The following MPPED2 variants were observed in gnomAD, a reference collection of about 807,000 sequenced individuals.
MPPED2 encodes the protein metallophosphoesterase MPPED2.
Under a neutral mutation model 33.0 loss-of-function variants are expected in MPPED2, and 5 were observed. That is an observed-to-expected ratio of 0.15 (90% confidence interval 0.08 to 0.32). MPPED2 has a LOEUF of 0.32. Among genes scored for constraint, MPPED2 ranks in the 10% least tolerant of loss-of-function variants. The pLI is 1.00. For missense variants in MPPED2, 275 were observed against 372.1 expected, an observed-to-expected ratio of 0.74 and a Z score of 2.15; for synonymous variants, 136 against 141.9, an observed-to-expected ratio of 0.96 and a Z score of 0.29.
chr11:30,474,878 A>G (rs1255281861), intron 4 of MPPED2, among the ~76,000 whole-genome samples: 2 of 152,154 alleles, frequency 1.3e-5, no homozygotes, highest in Non-Finnish European at 2.9e-5. Flanking sequence ...GTTTTAACTA[A>G]TATGCCCCTC....
chr11:30,403,481 T>G (rs1177505815), intron 6 of MPPED2, among the ~76,000 whole-genome samples: 1 of 152,226 alleles, frequency 6.6e-6, no homozygotes, highest in Non-Finnish European at 1.5e-5. Flanking sequence ...TTCAACAAAT[T>G]TTCTTAGGTG....
At chr11:30,415,649 C>G (rs750167814) in intron 5 of MPPED2, among the ~76,000 whole-genome samples, 1 of 152,176 alleles carries the variant, frequency 6.6e-6, no homozygotes, top group Non-Finnish European at 1.5e-5. Context: ...CTTGATGTAG[C>G]TGTCACTCTG....
chr11:30,462,704 C>G (rs1189628067), intron 4 of MPPED2, among the ~76,000 whole-genome samples: 3 of 152,164 alleles, frequency 2.0e-5, no homozygotes, highest in Admixed American at 2.0e-4. Context: ...CCATTCCCAT[C>G]CCCTCTAACT....
chr11:30,577,188 A>T (rs991165794), intron 2 of MPPED2, among the ~76,000 whole-genome samples: 16 of 152,228 alleles, frequency 1.1e-4, no homozygotes, highest in African/African-American at 3.9e-4. Flanking sequence ...AGATGAGTAA[A>T]CTGAGACTTG....
chr11:30,505,375 C>T (rs1269828742), intron 3 of MPPED2, among the ~76,000 whole-genome samples: 1 of 152,186 alleles, frequency 6.6e-6, no homozygotes, highest in Middle Eastern at 3.2e-3. Context: ...ACACTATCCT[C>T]CTTGCTTCCC....
intron 6 of MPPED2, among the ~76,000 whole-genome samples, chr11:30,413,727 A>G (rs1204775067): frequency 6.6e-6 from 1 of 152,230 alleles, no homozygotes; most frequent in Non-Finnish European, 1.5e-5. Context: ...CTTCTGTTAC[A>G]TATCTTTCAT....
chr11:30,451,747 CATT>C (rs1950073781), intron 4 of MPPED2: 2 of 982,948 alleles, frequency 2.0e-6, no homozygotes, highest in African/African-American at 3.5e-5. Context: ...CTGTAGGACT[CATT>C]ATTATGCAAT....
intron 4 of MPPED2, among the ~76,000 whole-genome samples, chr11:30,461,730 G>T (rs1270875820): frequency 6.6e-6 from 1 of 152,148 alleles, no homozygotes; most frequent in Non-Finnish European, 1.5e-5. Flanking sequence ...GACTATGGGG[G>T]CTAAATCTTA....
intron 3 of MPPED2, among the ~76,000 whole-genome samples, chr11:30,518,266 A>G (rs542709): frequency 0.79 from 120,891 of 152,192 alleles, 48,729 homozygotes; most frequent in African/African-American, 0.94. Context: ...GCTGTCTCTA[A>G]TAGTCACCTG....
At chr11:30,492,702 G>C (rs1952036957) in intron 4 of MPPED2, among the ~76,000 whole-genome samples, 1 of 70,132 alleles carries the variant, frequency 1.4e-5, no homozygotes, top group Admixed American at 1.4e-4. Flanking sequence ...AAAATAAATT[G>C]ACGTACCTTA....
intron 2 of MPPED2, among the ~76,000 whole-genome samples, chr11:30,549,414 C>T (rs1243601072): frequency 6.6e-6 from 1 of 152,146 alleles, no homozygotes; most frequent in African/African-American, 2.4e-5. Context: ...ACTCTTAATG[C>T]ACCATGTTTG....
rs748698110 is a variant in MPPED2 at position 30,417,584 on chromosome 11, G to A, written c.586C>T (p.Leu196=). ...WGFNLPRGQS[L]LDKWNLIPEG... ...GGGATGAGGTTCCACTTGTCCAGCA[G>A]AGACTGACCTCTGGGTAGGTTAAAG... The change falls in exon 5 of 7, where the codon CTG becomes TTG. Residue 196 remains leucine (L), a synonymous_variant. Coordinates refer to ENST00000358117, the MANE Select transcript of MPPED2 (RefSeq NM_001584.3). 3 of 1,613,472 alleles carry A rather than the reference G, an allele frequency of 1.9e-6. No individual in the cohort carries two copies. In the South Asian group the frequency reaches 3.3e-5, roughly 18 times the overall value.
At chr11:30,417,470 G>GC (rs755671168) in intron 5 of MPPED2, 48 bp downstream of exon 5, 7 of 1,051,632 alleles carry the variant, frequency 6.7e-6, no homozygotes, top group Non-Finnish European at 1.0e-5. Context: ...CATTATGCCT[G>GC]GAAAAAAAGG....
downstream of MPPED2, among the ~76,000 whole-genome samples, chr11:30,405,521 G>T (rs1354169987): frequency 6.6e-6 from 1 of 152,138 alleles, no homozygotes; most frequent in East Asian, 1.9e-4. Context: ...ATATGAAAGA[G>T]CCTTTTCACC....
intron 2 of MPPED2, among the ~76,000 whole-genome samples, chr11:30,557,603 C>G (rs1318736173): frequency 6.6e-6 from 1 of 152,162 alleles, no homozygotes; most frequent in Non-Finnish European, 1.5e-5. Flanking sequence ...GGAAAGGCTA[C>G]TGGCTAAATA....
chr11:30,472,174 G>A (rs1368138495), intron 4 of MPPED2, among the ~76,000 whole-genome samples: 1 of 152,052 alleles, frequency 6.6e-6, no homozygotes, highest in Non-Finnish European at 1.5e-5. Context: ...GACCAGCCTG[G>A]GCAACATAAG....
intron 2 of MPPED2, among the ~76,000 whole-genome samples, chr11:30,575,981 A>G (rs900336196): frequency 1.3e-5 from 2 of 152,214 alleles, no homozygotes; most frequent in African/African-American, 2.4e-5. Context: ...ATTCATTTGT[A>G]TACACTCCAC....
intron 4 of MPPED2, among the ~76,000 whole-genome samples, chr11:30,451,368 C>G (rs1443951958): frequency 6.6e-6 from 1 of 152,196 alleles, no homozygotes; most frequent in Non-Finnish European, 1.5e-5. Context: ...CTTAGAAATG[C>G]AATTCCCACT....
At chr11:30,507,343 C>G (rs1310341871) in intron 3 of MPPED2, among the ~76,000 whole-genome samples, 1 of 152,206 alleles carries the variant, frequency 6.6e-6, no homozygotes, top group Non-Finnish European at 1.5e-5. Context: ...TCCCCACTCA[C>G]TGTATAATCT....
Sources: allele counts gnomAD v4.1 joint callset (sites outside exome capture counted in the v4.1 genomes callset), GRCh38; gene constraint gnomAD v4.1.1; transcripts MANE v1.5; gene names NCBI Gene and HGNC (gene_info 2026-07-23, HGNC 2026-07-21).